TENM2: variants seen among roughly 807,000 people sequenced by gnomAD.
TENM2 encodes the protein teneurin-2.
Under a neutral mutation model 245.2 loss-of-function variants are expected in TENM2, and 52 were observed. The observed-to-expected ratio is 0.21, with a 90% CI of 0.17 to 0.27. The LOEUF (loss-of-function observed/expected upper bound fraction) is 0.27. TENM2 is among the 10% of genes least tolerant of loss of function. The probability of loss-of-function intolerance (pLI) is 1.00; values close to 1 mark genes in which losing one functional copy is unlikely to be tolerated. For synonymous variants in TENM2, 1,363 were observed against 1,438.9 expected, an observed-to-expected ratio of 0.95 and a Z score of 1.19; for missense variants, 3,046 against 3,666.8, an observed-to-expected ratio of 0.83 and a Z score of 4.37.
At chr5:167,802,907 T>C (rs1765887866) in intron 2 of TENM2, among the ~76,000 whole-genome samples, 2 of 152,168 alleles carry the variant, frequency 1.3e-5, no homozygotes. Flanking sequence ...AGATGCCAAA[T>C]CTTAACTTGT....
chr5:167,465,807 G>A (rs1766611825), intron 2 of TENM2, among the ~76,000 whole-genome samples: 2 of 151,148 alleles, frequency 1.3e-5, no homozygotes, highest in Non-Finnish European at 3.0e-5. Flanking sequence ...CTCTGGCCTG[G>A]GTGACAGAGT....
intron 2 of TENM2, among the ~76,000 whole-genome samples, chr5:167,592,587 T>A (rs1030929559): frequency 2.6e-5 from 4 of 152,200 alleles, no homozygotes; most frequent in Non-Finnish European, 4.4e-5. Context: ...TTGTTTTACT[T>A]ACACAAATGG....
the TENM2 span, among the ~76,000 whole-genome samples, chr5:167,161,064 A>G: frequency 1.3e-5 from 2 of 152,232 alleles, no homozygotes; most frequent in Non-Finnish European, 2.9e-5. Context: ...ATAAAAAGGT[A>G]TGTGTGTTCA....
chr5:168,228,156 C>T, intron 25 of TENM2, 26 bp downstream of exon 27: 2 of 1,544,278 alleles, frequency 1.3e-6, no homozygotes, highest in Non-Finnish European at 1.8e-6. Flanking sequence ...CAATCTGTTA[C>T]CACAGAGTGG....
chr5:168,034,151 GTA>G (rs1308833270), intron 5 of TENM2, among the ~76,000 whole-genome samples: 2 of 101,168 alleles, frequency 2.0e-5, no homozygotes, highest in African/African-American at 3.6e-5. Flanking sequence ...ATATATATGT[GTA>G]TATATATATG....
chr5:167,266,176 G>A, the TENM2 span, among the ~76,000 whole-genome samples: 153 of 152,140 alleles, frequency 1.0e-3, 1 homozygote, highest in South Asian at 0.024. Context: ...GTGAGATTGC[G>A]AATTGTCACT....
chr5:168,132,064 C>T (rs1473042825), intron 12 of TENM2, among the ~76,000 whole-genome samples: 1 of 151,896 alleles, frequency 6.6e-6, no homozygotes, highest in Non-Finnish European at 1.5e-5. Context: ...CATGAGCTTC[C>T]TTACTGCAGA....
intron 5 of TENM2, among the ~76,000 whole-genome samples, chr5:168,046,428 A>G (rs1788613068): frequency 6.6e-6 from 1 of 152,188 alleles, no homozygotes. Flanking sequence ...CTTATTCTCA[A>G]AGGAAGCATC....
At chr5:167,338,683 G>T (rs1030493294) in intron 1 of TENM2, among the ~76,000 whole-genome samples, 1 of 152,194 alleles carries the variant, frequency 6.6e-6, no homozygotes, top group Non-Finnish European at 1.5e-5. Flanking sequence ...TGCTTGCTAT[G>T]TATTAGTTAG....
intron 25 of TENM2, among the ~76,000 whole-genome samples, chr5:168,230,137 C>A (rs769242971): frequency 1.6e-4 from 25 of 152,186 alleles, no homozygotes; most frequent in Admixed American, 2.6e-4. Context: ...GCACACAAGT[C>A]TTATAACTGA....
chr5:167,669,795 G>A (rs1405537684), intron 2 of TENM2, among the ~76,000 whole-genome samples: 1 of 151,984 alleles, frequency 6.6e-6, no homozygotes, highest in Non-Finnish European at 1.5e-5. Context: ...TAGACAAACC[G>A]TGGTTGTAAG....
the TENM2 span, among the ~76,000 whole-genome samples, chr5:167,000,678 A>G: frequency 6.6e-6 from 1 of 152,194 alleles, no homozygotes; most frequent in East Asian, 1.9e-4. Flanking sequence ...TGGAAAATCT[A>G]AAACCATGTT....
intron 1 of TENM2, among the ~76,000 whole-genome samples, chr5:167,374,726 G>T (rs1020094157): frequency 6.6e-6 from 1 of 152,046 alleles, no homozygotes; most frequent in African/African-American, 2.4e-5. Flanking sequence ...CCATCAAGAT[G>T]CATGGCCTTG....
intron 3 of TENM2, among the ~76,000 whole-genome samples, chr5:167,915,554 T>A (rs1291628844): frequency 6.6e-6 from 1 of 152,154 alleles, no homozygotes; most frequent in Non-Finnish European, 1.5e-5. Context: ...AGCATGTGGG[T>A]GGGTCTCACT....
At chr5:167,046,917 C>T in the TENM2 span, among the ~76,000 whole-genome samples, 1 of 151,418 alleles carries the variant, frequency 6.6e-6, no homozygotes, top group Non-Finnish European at 1.5e-5. Flanking sequence ...CATGTGTTCT[C>T]ATTGTTCACC....
At chr5:167,986,582 G>A (rs1783262373) in intron 4 of TENM2, among the ~76,000 whole-genome samples, 1 of 152,186 alleles carries the variant, frequency 6.6e-6, no homozygotes, top group Non-Finnish European at 1.5e-5. Context: ...CACTTTGGGG[G>A]CCCCTCATTT....
At chr5:167,166,166 G>A in the TENM2 span, among the ~76,000 whole-genome samples, 13 of 152,034 alleles carry the variant, frequency 8.6e-5, no homozygotes, top group Admixed American at 5.9e-4. Context: ...ATTCTATGCC[G>A]ACAGGCCAGG....
intron 2 of TENM2, among the ~76,000 whole-genome samples, chr5:167,452,962 T>TATATATA (rs1406197551): frequency 6.3e-4 from 61 of 96,750 alleles, no homozygotes; most frequent in Non-Finnish European, 8.6e-4. Context: ...TATATATATA[T>TATATATA]TTAAAAAAAA....
the TENM2 span, among the ~76,000 whole-genome samples, chr5:167,047,198 A>C: frequency 6.6e-6 from 1 of 152,178 alleles, no homozygotes; most frequent in Non-Finnish European, 1.5e-5. Context: ...TATTCTTCTT[A>C]CAAGTAATAC....
Sources: allele counts gnomAD v4.1 joint callset (sites outside exome capture counted in the v4.1 genomes callset), GRCh38; gene constraint gnomAD v4.1.1; transcripts MANE v1.5; gene names NCBI Gene and HGNC (gene_info 2026-07-23, HGNC 2026-07-21).